DTWD2: variants seen among roughly 807,000 people sequenced by gnomAD.
DTWD2 encodes the protein DTW motif tRNA-uridine aminocarboxypropyltransferase 2.
In DTWD2, 39 loss-of-function variants were observed where a neutral mutation model predicts 31.8. That is an observed-to-expected ratio of 1.22 (90% CI 0.95 to 1.60). The LOEUF is 1.60. Among genes scored for constraint, DTWD2 ranks in the 40% most tolerant of loss-of-function variants. The pLI is 0.00. For synonymous variants in DTWD2, 180 were observed against 142.8 expected (o/e 1.26, Z -1.86); for missense variants, 515 against 381.5 (o/e 1.35, Z -2.92).
rs1754079408 is a variant in DTWD2, at chr5:118,937,867, T to C, written c.404+1329A>G. Among the ~76,000 whole-genome samples the C allele has an allele frequency of 2.0e-5, 3 of 151,566 alleles. No homozygotes were observed. In the South Asian group the frequency reaches 6.3e-4, roughly 32 times the overall value. On this transcript the variant is annotated intron_variant, in intron 3 of 5. Coordinates refer to ENST00000510708, the MANE Select transcript of DTWD2 (RefSeq NM_173666.4). ...TAATAAACTTCTTTCCTTTCATGCA[T>C]TTTGGCTTCACTTCCTCATTATGTC... is the stretch of plus-strand genomic sequence containing the variant.
intron 4 of DTWD2, among the ~76,000 whole-genome samples, chr5:118,914,888 T>A (rs1753538361): frequency 6.6e-6 from 1 of 152,156 alleles, no homozygotes; most frequent in Non-Finnish European, 1.5e-5. Flanking sequence ...TTCAATAAAA[T>A]TTGTCACCAT....
At chr5:118,985,504 A>G in intron 1 of DTWD2, among the ~76,000 whole-genome samples, 1 of 122,806 alleles carries the variant, frequency 8.1e-6, no homozygotes, top group Non-Finnish European at 1.7e-5. Context: ...ATATATATAT[A>G]TATATATATA....
At chr5:118,879,391 T>C (rs1037768138) in intron 4 of DTWD2, among the ~76,000 whole-genome samples, 8 of 152,084 alleles carry the variant, frequency 5.3e-5, no homozygotes, top group South Asian at 2.1e-4. Flanking sequence ...GCCTTTGACT[T>C]TGGGAGGTCA....
rs563544313 is a variant in DTWD2, at chr5:118,972,472, GTAAT to G, written c.218+15818_218+15821del. Among the ~76,000 whole-genome samples, 157 of 152,264 alleles carry G rather than the reference GTAAT, an allele frequency of 1.0e-3. 2 individuals are homozygous for G. In the South Asian group the frequency reaches 0.011, roughly 10 times the overall value. On this transcript the variant is annotated intron_variant, in intron 1 of 5. Transcript: ENST00000510708. ...AACAATGAGTTCTGAAACCAAGGCAGTAATTAAATAGCCTATCAGCCCAAAAAGA... is the reference window on the plus strand; with the variant it reads ...AACAATGAGTTCTGAAACCAAGGCAGTAAATAGCCTATCAGCCCAAAAAGA...
At position 118,974,245 on chromosome 5, in the gene DTWD2, G is replaced by A. The variant is rs574342536; in HGVS notation, c.218+14049C>T. The stretch of plus-strand genomic sequence containing the variant: ...GAGTAGAGAGGCCCGCCCGCCCACC[G>A]TGGACAGTGCCACCCGCAGATGACA... On this transcript the variant is annotated intron_variant, in intron 1 of 5. Coordinates refer to ENST00000510708, the MANE Select transcript of DTWD2 (RefSeq NM_173666.4). 261 of 893,688 alleles carry A rather than the reference G, an allele frequency of 2.9e-4. 1 individual carries two copies. The highest frequency in any genetic ancestry group is 2.4e-3 in the African/African-American group (143 of 59,368). The allele number at this position is 893,688 out of a possible 1,614,324, so 55.4% of individuals were successfully genotyped here. A position where few individuals can be genotyped will look rare whatever the true frequency, so the allele number is the denominator to read the frequency against.
At chr5:118,934,987 A>C (rs953900267) in intron 3 of DTWD2, among the ~76,000 whole-genome samples, 3 of 152,112 alleles carry the variant, frequency 2.0e-5, no homozygotes, top group Non-Finnish European at 2.9e-5. Flanking sequence ...TTTGTATGCT[A>C]ATATTGACTG....
At chr5:118,844,910 G>A (rs1751813143) in intron 5 of DTWD2, among the ~76,000 whole-genome samples, 1 of 152,128 alleles carries the variant, frequency 6.6e-6, no homozygotes, top group South Asian at 2.1e-4. Context: ...AAGGCAGGTG[G>A]ATCGCTTAAA....
At chr5:118,873,515 C>T (rs944103277) in intron 4 of DTWD2, among the ~76,000 whole-genome samples, 14 of 152,214 alleles carry the variant, frequency 9.2e-5, no homozygotes, top group African/African-American at 3.4e-4. Context: ...CTTCTTCATA[C>T]TGCAGCATAC....
intron 3 of DTWD2, among the ~76,000 whole-genome samples, chr5:118,938,129 G>T (rs1754086180): frequency 6.6e-6 from 1 of 152,058 alleles, no homozygotes. Context: ...AACGTCCACA[G>T]AGTTTGGGAC....
chr5:118,912,161 T>C (rs1189544456), intron 4 of DTWD2, among the ~76,000 whole-genome samples: 10 of 152,224 alleles, frequency 6.6e-5, no homozygotes, highest in Non-Finnish European at 1.5e-4. Flanking sequence ...AAATTCACTC[T>C]GATTAAATGT....
intron 4 of DTWD2, among the ~76,000 whole-genome samples, chr5:118,922,044 T>C (rs1275809093): frequency 6.6e-6 from 1 of 152,224 alleles, no homozygotes; most frequent in Non-Finnish European, 1.5e-5. Flanking sequence ...AACTACTCCA[T>C]GGAAATATGT....
chr5:118,912,835 C>T (rs1451146769), intron 4 of DTWD2, among the ~76,000 whole-genome samples: 1 of 152,174 alleles, frequency 6.6e-6, no homozygotes, highest in Non-Finnish European at 1.5e-5. Flanking sequence ...CGTAGCTGAA[C>T]TGCAAATGAA....
intron 4 of DTWD2, among the ~76,000 whole-genome samples, chr5:118,906,232 T>C (rs965848840): frequency 6.6e-6 from 1 of 152,190 alleles, no homozygotes; most frequent in African/African-American, 2.4e-5. Context: ...AGATTTCTCA[T>C]AAACTACTGG....
At chr5:118,928,793 T>A (rs1182791880) in intron 3 of DTWD2, 64 bp from the exon 4 acceptor site, 1 of 1,311,120 alleles carries the variant, frequency 7.6e-7, no homozygotes, top group Non-Finnish European at 1.0e-6. Flanking sequence ...TTATTATGCT[T>A]ACTGAATTTC....
chr5:118,985,645 C>A (rs1474059479), intron 1 of DTWD2, among the ~76,000 whole-genome samples: 4 of 151,570 alleles, frequency 2.6e-5, no homozygotes, highest in Non-Finnish European at 5.9e-5. Context: ...CTGACTCTTA[C>A]TCCACGACGG....
intron 4 of DTWD2, among the ~76,000 whole-genome samples, chr5:118,890,701 G>T (rs550242872): frequency 6.6e-6 from 1 of 150,448 alleles, no homozygotes; most frequent in East Asian, 2.0e-4. Flanking sequence ...CTCCAAAGTA[G>T]CTGGGACTAC....
intron 1 of DTWD2, among the ~76,000 whole-genome samples, chr5:118,976,231 G>A (rs1406451203): frequency 6.6e-6 from 1 of 152,196 alleles, no homozygotes; most frequent in Non-Finnish European, 1.5e-5. Context: ...GCCCACAGGA[G>A]AAAGTGGGAA....
intron 1 of DTWD2, among the ~76,000 whole-genome samples, chr5:118,976,666 G>A (rs535761299): frequency 6.6e-5 from 10 of 152,216 alleles, no homozygotes; most frequent in South Asian, 6.2e-4. Flanking sequence ...TGAATAGACC[G>A]ATAACAAGTT....
chr5:118,885,000 A>AC (rs1321610305), intron 4 of DTWD2, among the ~76,000 whole-genome samples: 1 of 143,766 alleles, frequency 7.0e-6, no homozygotes, highest in Non-Finnish European at 1.5e-5. Flanking sequence ...CATCTCCAAA[A>AC]AAAAAAAAAA....
Sources: allele counts gnomAD v4.1 joint callset (sites outside exome capture counted in the v4.1 genomes callset), GRCh38; gene constraint gnomAD v4.1.1; transcripts MANE v1.5; gene names NCBI Gene and HGNC (gene_info 2026-07-23, HGNC 2026-07-21).